KRT7: variants seen among roughly 807,000 people sequenced by gnomAD.
The protein encoded by KRT7 is keratin, type II cytoskeletal 7.
A neutral mutation model predicts 42.8 loss-of-function variants in KRT7; 50 were observed. The observed-to-expected ratio is 1.17, with a 90% CI of 0.93 to 1.48. KRT7 has a LOEUF of 1.48. KRT7 is among the 40% of genes most tolerant of loss of function. KRT7 has a pLI of 0.00. For missense variants in KRT7, 588 were observed against 637.6 expected, an observed-to-expected ratio of 0.92 and a Z score of 0.84; for synonymous variants, 268 against 266.3, an observed-to-expected ratio of 1.01 and a Z score of -0.06.
chr12:52,251,670 G>A (rs1246300886), downstream of KRT7: 4 of 289,072 alleles, frequency 1.4e-5, no homozygotes, highest in Middle Eastern at 1.2e-3. Context: ...TGGGACTACT[G>A]TCCTATATTC....
downstream of KRT7, among the ~76,000 whole-genome samples, chr12:52,251,350 T>C (rs572564113): frequency 6.6e-6 from 1 of 152,314 alleles, no homozygotes; most frequent in East Asian, 1.9e-4. Flanking sequence ...GGGCCACACA[T>C]AAAATACACT....
At chr12:52,235,740 C>T (rs1171888071) in intron 2 of KRT7, among the ~76,000 whole-genome samples, 2 of 152,180 alleles carry the variant, frequency 1.3e-5, no homozygotes, top group East Asian at 1.9e-4. Flanking sequence ...TAGAGCAACT[C>T]TCTTTTGTTC....
downstream of KRT7, chr12:52,250,544 C>T (rs534990326): frequency 4.5e-4 from 520 of 1,157,238 alleles, no homozygotes; most frequent in Non-Finnish European, 6.0e-4. Flanking sequence ...CCGCCACGTT[C>T]CCGCTGCAGG....
chr12:52,238,791 C>T lies in KRT7; in HGVS notation c.693+16C>T, dbSNP rs1156833797. On this transcript the variant is annotated intron_variant, in intron 4 of 8. Coordinates refer to ENST00000331817, the MANE Select transcript of KRT7 (RefSeq NM_005556.4). Reference sequence around the variant, plus strand: ...CAATGAGACGGTGAGGACCATGGAGCTGGGTGACATGTCTTATCCTACCCA... The same window carrying T: ...CAATGAGACGGTGAGGACCATGGAGTTGGGTGACATGTCTTATCCTACCCA... 4.0e-6 allele frequency: 6 copies of T among 1,492,566 alleles called. No homozygotes were observed. Among genetic ancestry groups the T allele is most frequent in the Non-Finnish European group, 4.7e-6 (5 of 1,069,180 alleles). 92.5% of individuals were successfully genotyped at this position (1,492,566 alleles called of 1,614,324 possible).
intron 8 of KRT7, 39 bp from the exon 9 acceptor site, chr12:52,248,552 G>C (rs762779313): frequency 6.5e-7 from 1 of 1,529,790 alleles, no homozygotes; most frequent in Non-Finnish European, 8.8e-7. Flanking sequence ...CTGGTAGGGA[G>C]CCTCACGCTG....
At chr12:52,240,638 A>G (rs1942074779) in intron 4 of KRT7, among the ~76,000 whole-genome samples, 1 of 152,060 alleles carries the variant, frequency 6.6e-6, no homozygotes. Context: ...TCAAAAAAAA[A>G]GAAAAAAAAA....
chr12:52,250,058 G>A (rs558119044), downstream of KRT7, among the ~76,000 whole-genome samples: 1 of 152,248 alleles, frequency 6.6e-6, no homozygotes, highest in South Asian at 2.1e-4. Flanking sequence ...CAGGGGAGAG[G>A]GAGGGAGCCA....
At chr12:52,248,314 A>G (rs936672137) in intron 8 of KRT7, 103 bp downstream of exon 8, 5 of 1,195,110 alleles carry the variant, frequency 4.2e-6, no homozygotes, top group Non-Finnish European at 6.2e-6. Flanking sequence ...TGGAGGGGCC[A>G]GGAGACTCCT....
chr12:52,248,752 C>T lies in KRT7; in HGVS notation c.1402C>T (p.Arg468Cys), dbSNP rs375500391. Residue 468 changes from arginine (R) to cysteine (C), a missense_variant, in exon 9 of 9, where the codon CGC becomes TGC. Transcript: ENST00000331817. The stretch of plus-strand genomic sequence containing the variant: ...CGCATCCGCCAGTCGCAGGAGTGCC[C>T]GCGACTGAGCCGCCTCCCACCACTC... ...RTASASRRSA[R>C]D 38 of 1,563,878 alleles carry T rather than the reference C, an allele frequency of 2.4e-5. No individual in the cohort carries two copies. The highest frequency in any genetic ancestry group is 3.7e-5 in the Admixed American group (2 of 54,490).
intron 1 of KRT7, among the ~76,000 whole-genome samples, chr12:52,234,888 T>C (rs1252336784): frequency 6.6e-6 from 1 of 152,116 alleles, no homozygotes; most frequent in Non-Finnish European, 1.5e-5. Flanking sequence ...TGTAATGTGA[T>C]GGGGAGTGAA....
intron 8 of KRT7, 151 bp from the exon 9 acceptor site, chr12:52,248,440 C>A: frequency 1.1e-6 from 1 of 894,668 alleles, no homozygotes; most frequent in Non-Finnish European, 1.7e-6. Context: ...CAGCCCTACC[C>A]CTGTCAGATG....
chr12:52,246,297 G>A (rs1028349740), intron 7 of KRT7: 7 of 152,248 alleles, frequency 4.6e-5, no homozygotes, highest in African/African-American at 1.7e-4. Flanking sequence ...TTCTTGGCTT[G>A]TTATAAGACA....
At chr12:52,244,568 C>T (rs1346308730) in intron 6 of KRT7, 4 of 985,644 alleles carry the variant, frequency 4.1e-6, no homozygotes, top group Non-Finnish European at 4.8e-6. Context: ...GAGAGGCAGA[C>T]TGCCTCCACT....
downstream of KRT7, chr12:52,255,345 C>T (rs2121140641): frequency 2.2e-6 from 1 of 456,808 alleles, no homozygotes; most frequent in Non-Finnish European, 4.4e-6. Flanking sequence ...TCTGGGGTCA[C>T]TCACCTTCTT....
chr12:52,252,288 C>T (rs139747769), downstream of KRT7: 4 of 1,614,036 alleles, frequency 2.5e-6, no homozygotes, highest in East Asian at 4.5e-5. Context: ...CCAGCAGGCG[C>T]CTGTAGGTGG....
chr12:52,248,800 A>C lies in KRT7; in HGVS notation c.*40A>C, dbSNP rs189617028. The C allele has an allele frequency of 6.7e-7, 1 of 1,485,198 alleles. No homozygotes were observed. Among genetic ancestry groups the C allele is most frequent in the South Asian group, 1.3e-5 (1 of 75,076 alleles). The allele number at this position is 1,485,198 out of a possible 1,614,324, so 92.0% of individuals were successfully genotyped here. On this transcript the variant is annotated 3_prime_UTR_variant, in exon 9 of 9. Coordinates refer to ENST00000331817, the MANE Select transcript of KRT7 (RefSeq NM_005556.4). ...CTCCACTCCTCCAGCCACCACCCACAATCACAAGAAGATTCCCACCCCTGC... is the reference window on the plus strand; with the variant it reads ...CTCCACTCCTCCAGCCACCACCCACCATCACAAGAAGATTCCCACCCCTGC...
At position 52,235,196 on chromosome 12, in the gene KRT7, G is replaced by A; in HGVS notation, c.366G>A (p.Lys122=). The A allele has an allele frequency of 1.2e-6, 2 of 1,614,166 alleles. No homozygotes were observed. Among genetic ancestry groups the A allele is most frequent in the South Asian group, 1.1e-5 (1 of 91,086 alleles). The change falls in exon 2 of 9, where the codon AAG becomes AAA. Residue 122 remains lysine (K), a synonymous_variant. Coordinates refer to ENST00000331817, the MANE Select transcript of KRT7 (RefSeq NM_005556.4). ...LEQQNKLLET[K]WTLLQEQKSA... is the part of the protein sequence containing the mutation. ...AGCAGAACAAGCTGCTGGAGACCAAGTGGACGCTGCTGCAGGAGCAGAAGT... is the reference window on the plus strand; with the variant it reads ...AGCAGAACAAGCTGCTGGAGACCAAATGGACGCTGCTGCAGGAGCAGAAGT...
downstream of KRT7, among the ~76,000 whole-genome samples, chr12:52,254,834 A>G (rs1330958681): frequency 6.6e-6 from 1 of 152,138 alleles, no homozygotes; most frequent in Non-Finnish European, 1.5e-5. Context: ...TTTTCTCACA[A>G]TAACCCCTGC....
At chr12:52,252,955 C>T (rs140505036), downstream of KRT7, among the ~76,000 whole-genome samples, 35 of 152,308 alleles carry the variant, frequency 2.3e-4, no homozygotes, top group East Asian at 5.2e-3. Flanking sequence ...TGTTTGAGAG[C>T]CCAGGTTTCC....
Sources: gnomAD v4.1 joint callset for allele counts (sites outside exome capture counted in the v4.1 genomes callset) on GRCh38, gnomAD v4.1.1 for gene constraint, MANE v1.5 for transcripts, NCBI Gene and HGNC (gene_info 2026-07-23, HGNC 2026-07-21) for gene names.